CFAP74: variants seen among roughly 807,000 people sequenced by gnomAD.
CFAP74 encodes cilia and flagella associated protein 74, also known as cilia- and flagella-associated protein 74.
Under a neutral mutation model 188.9 loss-of-function variants are expected in CFAP74, and 124 were observed. The observed-to-expected ratio is 0.66, with a 90% CI of 0.57 to 0.76. The LOEUF (loss-of-function observed/expected upper bound fraction) is 0.76. Ranked by LOEUF, CFAP74 falls within the 30% of genes least tolerant of loss-of-function variation. The probability of loss-of-function intolerance (pLI) is 0.00; values close to 1 mark genes in which losing one functional copy is unlikely to be tolerated. For synonymous variants in CFAP74, 956 were observed against 916.7 expected (o/e 1.04, Z -0.77); for missense variants, 2,198 against 2,165.2 (o/e 1.02, Z -0.30).
chr1:2,002,225 T>C (rs1425228041), intron 1 of CFAP74, among the ~76,000 whole-genome samples: 1 of 152,126 alleles, frequency 6.6e-6, no homozygotes, highest in African/African-American at 2.4e-5. Flanking sequence ...TGTGCTGAGC[T>C]TGCAACTTTT....
At chr1:1,988,822 A>ACCCCCCCC in intron 3 of CFAP74, 67 bp downstream of exon 3, 1 of 158,416 alleles carries the variant, frequency 6.3e-6, no homozygotes, top group Non-Finnish European at 1.1e-5. Context: ...CCCTTCACCC[A>ACCCCCCCC]CCCCCCCACC....
chr1:1,970,793 T>G lies in CFAP74; in HGVS notation c.912A>C (p.Ala304=). Residue 304 remains alanine (A), a synonymous_variant, in exon 10 of 39, where the codon GCA becomes GCC. Transcript: ENST00000682832. The part of the protein sequence containing the change: ...ANRDTLRKFQ[A]WDRAKAELAE... Reference sequence around the variant, plus strand: ...CCAGCTCTGCCTTGGCACGGTCCCATGCTTGGAACTTCCGCAGTGTGTCCT... The same window carrying G: ...CCAGCTCTGCCTTGGCACGGTCCCAGGCTTGGAACTTCCGCAGTGTGTCCT... The G allele has an allele frequency of 6.2e-7, 1 of 1,614,148 alleles. No individual in the cohort carries two copies. The highest frequency in any genetic ancestry group is 8.5e-7 in the Non-Finnish European group (1 of 1,180,006).
chr1:1,927,451 C>T (rs1651996847), intron 28 of CFAP74, 156 bp downstream of exon 28: 1 of 728,998 alleles, frequency 1.4e-6, no homozygotes, highest in Non-Finnish European at 2.2e-6. Flanking sequence ...CCCAGGAAGG[C>T]AGCACCTGGA....
chr1:1,930,904 G>A (rs551581330), intron 25 of CFAP74, among the ~76,000 whole-genome samples: 23 of 152,282 alleles, frequency 1.5e-4, no homozygotes, highest in African/African-American at 5.5e-4. Flanking sequence ...TTAAAAAGAG[G>A]CCGGGACCTG....
At chr1:1,978,199 T>C (rs1656573199) in intron 6 of CFAP74, among the ~76,000 whole-genome samples, 1 of 152,212 alleles carries the variant, frequency 6.6e-6, no homozygotes, top group Non-Finnish European at 1.5e-5. Flanking sequence ...ATGTTCTTCA[T>C]TATGGCTCCA....
At chr1:1,988,363 G>T in intron 4 of CFAP74, 149 bp downstream of exon 4, 1 of 949,308 alleles carries the variant, frequency 1.1e-6, no homozygotes, top group Non-Finnish European at 1.6e-6. Context: ...GGTGGGGCTT[G>T]CAGAACTGCT....
At chr1:1,977,830 C>T (rs1036381808) in intron 6 of CFAP74, among the ~76,000 whole-genome samples, 11 of 152,168 alleles carry the variant, frequency 7.2e-5, no homozygotes. Flanking sequence ...AGAGACAACC[C>T]GTTGGAAAGT....
At chr1:1,945,143 CA>C (rs1009072360) in intron 20 of CFAP74, among the ~76,000 whole-genome samples, 5 of 151,796 alleles carry the variant, frequency 3.3e-5, no homozygotes, top group Non-Finnish European at 5.9e-5. Context: ...CCCGTCTCTA[CA>C]AAAAATACAA....
chr1:1,947,944 C>A (rs1653884252), intron 18 of CFAP74, among the ~76,000 whole-genome samples: 1 of 152,116 alleles, frequency 6.6e-6, no homozygotes. Context: ...GTGATCTTGA[C>A]TCACTGCAAC....
In CFAP74 at chr1:1,955,668, C is replaced by T. The variant is rs778228109; in HGVS notation, c.2176+23G>A. 8.7e-6 allele frequency: 14 copies of T among 1,604,660 alleles called. No homozygotes were observed. The South Asian group carries it at 1.3e-4, about 15-fold the overall frequency. On this transcript the variant is annotated intron_variant, in intron 18 of 38. Transcript: ENST00000682832. ...GGCCCTCACCGCCCGCCCACCCTGG[C>T]TTGGCCTGGCAGCCTGGCTCACCTG...
intron 9 of CFAP74, 56 bp downstream of exon 9, chr1:1,971,924 G>A (rs545009000): frequency 7.2e-7 from 1 of 1,385,918 alleles, no homozygotes; most frequent in African/African-American, 1.4e-5. Flanking sequence ...AGGGGCCCAG[G>A]GACGGACCCC....
chr1:1,981,820 A>G (rs13303127), intron 6 of CFAP74, among the ~76,000 whole-genome samples: 968 of 5,314 alleles, frequency 0.18, 23 homozygotes, highest in Admixed American at 0.19. Context: ...AGGACACCCA[A>G]CCGCGGACAG....
At position 1,942,116 on chromosome 1, in the gene CFAP74, C is replaced by T. The variant is rs559013153; in HGVS notation, c.2527G>A (p.Glu843Lys). The T allele has an allele frequency of 2.6e-5, 40 of 1,529,986 alleles. No homozygotes were observed. The highest frequency in any genetic ancestry group is 2.0e-5 in the Admixed American group (1 of 49,568). The allele number at this position is 1,529,986 out of a possible 1,614,324, so 94.8% of individuals were successfully genotyped here. Residue 843 changes from glutamate (E) to lysine (K), a missense_variant, in exon 22 of 39, where the codon GAG becomes AAG. By Grantham distance (56) the Glu-to-Lys change is moderately conservative (BLOSUM62 1). Transcript: ENST00000682832. This position sits in a 1 kb window ranked among gnomAD's most constrained non-coding sequence, Gnocchi z 4.3. ...ALRLKFEVCKELRAHLELLPK... is the reference protein window; with the variant it reads ...ALRLKFEVCKKLRAHLELLPK... Reference sequence around the variant, plus strand: ...AGGAGCTCCAGGTGGGCCCTCAGCTCCTTGCACACCTCGAACTTCAGGCGC... The same window carrying T: ...AGGAGCTCCAGGTGGGCCCTCAGCTTCTTGCACACCTCGAACTTCAGGCGC...
Position 1,965,055 on chromosome 1 carries a change from T to C in CFAP74, c.1408A>G (p.Lys470Glu), listed in dbSNP as rs148199636. ...ACGGGCTTTCGGTCCACGTCCTCCT[T>C]GGGCACCTGGGGGTCACAGAGACAG... ...NEDYKPYQVP[K>E]EDVDRKPVGG... Residue 470 changes from lysine (K) to glutamate (E), a missense_variant, in exon 13 of 39, where the codon AAG becomes GAG. Coordinates refer to ENST00000682832, the MANE Select transcript of CFAP74 (RefSeq NM_001304360.2). 451 of 1,612,162 alleles carry C rather than the reference T, an allele frequency of 2.8e-4. 2 individuals are homozygous for C. In the Middle Eastern group the frequency reaches 4.3e-3, roughly 15 times the overall value.
At chr1:1,936,235 A>AAGAAAAG (rs1425516714) in intron 25 of CFAP74, among the ~76,000 whole-genome samples, 15 of 149,542 alleles carry the variant, frequency 1.0e-4, no homozygotes, top group African/African-American at 3.4e-4. Context: ...AAAAAAAGAA[A>AAGAAAAG]AAAAGAAAAG....
chr1:2,001,879 C>T (rs1414030069), intron 1 of CFAP74, among the ~76,000 whole-genome samples: 5 of 152,124 alleles, frequency 3.3e-5, no homozygotes, highest in Non-Finnish European at 7.4e-5. Flanking sequence ...AAGTAATTGG[C>T]CCATGACCTT....
intron 1 of CFAP74, among the ~76,000 whole-genome samples, chr1:2,002,120 T>C (rs1658236774): frequency 6.6e-6 from 1 of 152,106 alleles, no homozygotes; most frequent in African/African-American, 2.4e-5. Flanking sequence ...TGTTGGAGAA[T>C]GTCCTCGTTT....
Position 1,959,104 on chromosome 1 carries a change from A to T in CFAP74, c.1851+16T>A. On this transcript the variant is annotated intron_variant, in intron 16 of 38. Transcript: ENST00000682832. ...CATGCCCCGAGAAATGCTGGCTCGG[A>T]CACCTTTGAACTCACCGAACATTTC... is the stretch of plus-strand genomic sequence containing the variant. 6.3e-7 allele frequency: 1 copy of T among 1,580,688 alleles called. No homozygotes were observed. Among genetic ancestry groups the T allele is most frequent in the Non-Finnish European group, 8.7e-7 (1 of 1,151,978 alleles).
chr1:1,988,431 C>T (rs1657372062), intron 4 of CFAP74, 81 bp downstream of exon 4: 5 of 1,562,528 alleles, frequency 3.2e-6, no homozygotes, highest in Middle Eastern at 2.3e-4. Flanking sequence ...ACGACAGGTA[C>T]AGGACCACCC....
Sources: gnomAD v4.1 joint callset for allele counts (sites outside exome capture counted in the v4.1 genomes callset) on GRCh38, gnomAD v4.1.1 for gene constraint, Gnocchi (gnomAD v3.1) non-coding constraint, MANE v1.5 for transcripts, NCBI Gene and HGNC (gene_info 2026-07-23, HGNC 2026-07-21) for gene names.